CLIC5: variants seen among roughly 807,000 people sequenced by gnomAD.
CLIC5 encodes the protein chloride intracellular channel protein 5.
Under a neutral mutation model 24.7 loss-of-function variants are expected in CLIC5, and 20 were observed. The ratio of observed to expected loss-of-function variants is 0.81; its 90% CI spans 0.57 to 1.18. CLIC5 has a LOEUF of 1.18. Among genes scored for constraint, CLIC5 ranks in the 50% most tolerant of loss-of-function variants. CLIC5 has a pLI of 0.00. For synonymous variants in CLIC5, 159 were observed against 135.6 expected, an observed-to-expected ratio of 1.17 and a Z score of -1.20; for missense variants, 341 against 326.1, an observed-to-expected ratio of 1.05 and a Z score of -0.35.
chr6:45,988,811 G>A (rs187149898), intron 1 of CLIC5, among the ~76,000 whole-genome samples: 1 of 152,316 alleles, frequency 6.6e-6, no homozygotes, highest in Non-Finnish European at 1.5e-5. Context: ...GAGCACAGGA[G>A]GGCAGATCCT....
chr6:46,035,433 A>T (rs1767632296), intron 1 of CLIC5, among the ~76,000 whole-genome samples: 1 of 152,206 alleles, frequency 6.6e-6, no homozygotes, highest in Non-Finnish European at 1.5e-5. Flanking sequence ...CTATTGTCCG[A>T]TGCCTCAATG....
At chr6:45,895,885 C>T (rs927815083), downstream of CLIC5, among the ~76,000 whole-genome samples, 5 of 152,116 alleles carry the variant, frequency 3.3e-5, no homozygotes, top group South Asian at 2.1e-4. Flanking sequence ...TGCATCTCAG[C>T]GGTCTAGACT....
chr6:45,898,103 G>T (rs1249617310), downstream of CLIC5, among the ~76,000 whole-genome samples: 1 of 151,776 alleles, frequency 6.6e-6, no homozygotes, highest in Non-Finnish European at 1.5e-5. Flanking sequence ...GTCTCGCTCT[G>T]TCGGTGTCAC....
chr6:46,000,474 G>A lies in CLIC5; in HGVS notation c.63+15006C>T, dbSNP rs192223022. ...AGGTGATGGAAGTCAGCACCAAACC[G>A]AAGGAGCAGAGCCATGCATGGATGG... On this transcript the variant is annotated intron_variant, in intron 1 of 5. Coordinates refer to ENST00000339561, the MANE Select transcript of CLIC5 (RefSeq NM_016929.5). 3.6e-3 allele frequency among the ~76,000 whole-genome samples: 554 copies of A among 152,288 alleles called. 2 individuals are homozygous for A. The highest frequency in any genetic ancestry group is 8.3e-3 in the South Asian group (40 of 4,814).
Position 46,015,608 on chromosome 6 carries a change from C to T in CLIC5, c.-66G>A. On this transcript the variant is annotated 5_prime_UTR_variant, in exon 1 of 6. Coordinates refer to ENST00000339561, the MANE Select transcript of CLIC5 (RefSeq NM_016929.5). ...GCCACCTCTGCAGCACCTGGGCCAG[C>T]ACTCTGCGCTCCTGCCGCTGCCCAG... The T allele has an allele frequency of 6.9e-7, 1 of 1,458,686 alleles. No homozygotes were observed. The highest frequency in any genetic ancestry group is 9.1e-7 in the Non-Finnish European group (1 of 1,099,454). The allele number at this position is 1,458,686 out of a possible 1,614,324, so 90.4% of individuals were successfully genotyped here.
rs1233293650 is a variant in CLIC5, at chr6:46,015,822, G to A, written c.-280C>T. Reference sequence around the variant, plus strand: ...ACAGGTCGTGGGAGCAACAAGTGCCGGGCTGCCCGGAGGTGTCACAGGATC... The same window carrying A: ...ACAGGTCGTGGGAGCAACAAGTGCCAGGCTGCCCGGAGGTGTCACAGGATC... On this transcript the variant is annotated 5_prime_UTR_variant, in exon 1 of 6. Transcript: ENST00000339561. 6 of 1,163,656 alleles carry A rather than the reference G, an allele frequency of 5.2e-6. No individual in the cohort carries two copies. In the East Asian group the frequency reaches 1.9e-4, roughly 38 times the overall value. The allele number at this position is 1,163,656 out of a possible 1,614,324, so 72.1% of individuals were successfully genotyped here. A position where few individuals can be genotyped will look rare whatever the true frequency, so the allele number is the denominator to read the frequency against.
the CLIC5 span, among the ~76,000 whole-genome samples, chr6:46,110,993 T>C: frequency 6.6e-6 from 1 of 152,220 alleles, no homozygotes; most frequent in African/African-American, 2.4e-5. Flanking sequence ...GAAAAAATTA[T>C]GTTTGAGAAG....
At chr6:46,017,946 T>C (rs141552825), upstream of CLIC5, among the ~76,000 whole-genome samples, 74 of 152,328 alleles carry the variant, frequency 4.9e-4, no homozygotes, top group Non-Finnish European at 9.1e-4. Context: ...TCTTGGTACA[T>C]TATAACTTAA....
the CLIC5 span, among the ~76,000 whole-genome samples, chr6:46,102,100 T>C: frequency 6.6e-6 from 1 of 152,180 alleles, no homozygotes; most frequent in Non-Finnish European, 1.5e-5. Context: ...AAAAATCACT[T>C]CATACAAGGC....
At chr6:46,084,667 T>G (rs1762993815), upstream of CLIC5, among the ~76,000 whole-genome samples, 1 of 152,244 alleles carries the variant, frequency 6.6e-6, no homozygotes, top group Non-Finnish European at 1.5e-5. Flanking sequence ...GGGCTTCCCT[T>G]TGTGGGTAAC....
In CLIC5 at chr6:45,900,172, C is replaced by T. The variant is rs1161150346; in HGVS notation, c.*2916G>A. On this transcript the variant is annotated 3_prime_UTR_variant, in exon 6 of 6. Transcript: ENST00000339561. ...TTCAACTCAGTCATTCTGAGTTTGA[C>T]TCTTGCTTCTGCCTTCGTCTCCCAC... 6.6e-6 allele frequency: 1 copy of T among 152,186 alleles called. No individual in the cohort carries two copies. The highest frequency in any genetic ancestry group is 2.4e-5 in the African/African-American group (1 of 41,432). The allele number at this position is 152,186 out of a possible 1,614,324, so 9.4% of individuals were successfully genotyped here.
the CLIC5 span, among the ~76,000 whole-genome samples, chr6:46,125,470 A>G: frequency 1.4e-3 from 208 of 152,310 alleles, 2 homozygotes; most frequent in Admixed American, 0.013. Context: ...AGATATACAT[A>G]ATGTAAATGA....
chr6:46,119,375 C>T, the CLIC5 span, among the ~76,000 whole-genome samples: 2 of 152,252 alleles, frequency 1.3e-5, no homozygotes, highest in Non-Finnish European at 2.9e-5. Flanking sequence ...AGTGCAAACA[C>T]ATGGTCCCTC....
chr6:46,129,183 T>C, the CLIC5 span, among the ~76,000 whole-genome samples: 5 of 152,196 alleles, frequency 3.3e-5, no homozygotes, highest in East Asian at 7.7e-4. Context: ...ACAATTAAAT[T>C]CAATAGTGAT....
the CLIC5 span, among the ~76,000 whole-genome samples, chr6:46,112,168 T>C: frequency 1.3e-5 from 2 of 152,168 alleles, no homozygotes; most frequent in Non-Finnish European, 2.9e-5. Flanking sequence ...CAAACAGAAG[T>C]AACCCTGCAA....
the CLIC5 span, among the ~76,000 whole-genome samples, chr6:46,093,576 A>C: frequency 6.6e-6 from 1 of 152,204 alleles, no homozygotes; most frequent in Non-Finnish European, 1.5e-5. Context: ...CTACAATGAG[A>C]TCCCACTACA....
intron 1 of CLIC5, among the ~76,000 whole-genome samples, chr6:46,021,993 C>T (rs9472665): frequency 0.013 from 1,939 of 152,298 alleles, 47 homozygotes; most frequent in African/African-American, 0.044. Context: ...TATTGCCATA[C>T]CCACTTTCCA....
At chr6:46,104,481 T>C in the CLIC5 span, among the ~76,000 whole-genome samples, 1 of 151,986 alleles carries the variant, frequency 6.6e-6, no homozygotes, top group Non-Finnish European at 1.5e-5. Context: ...CCTTGTTGCT[T>C]GTTAGTCTAT....
chr6:46,098,710 G>A, the CLIC5 span, among the ~76,000 whole-genome samples: 3 of 152,152 alleles, frequency 2.0e-5, no homozygotes, highest in South Asian at 2.1e-4. Context: ...CTTCTGCAAC[G>A]GAAGCATAAC....
Sources: allele counts gnomAD v4.1 joint callset (sites outside exome capture counted in the v4.1 genomes callset), GRCh38; gene constraint gnomAD v4.1.1; transcripts MANE v1.5; gene names NCBI Gene and HGNC (gene_info 2026-07-23, HGNC 2026-07-21).